The following ATP2B4 variants were observed in gnomAD, a reference collection of about 807,000 sequenced individuals.
ATP2B4 encodes the protein ATPase plasma membrane Ca2+ transporting 4, also known as plasma membrane calcium-transporting ATPase 4.
In ATP2B4, 39 loss-of-function variants were observed where a neutral mutation model predicts 110.3. That is an observed-to-expected ratio of 0.35 (90% confidence interval 0.27 to 0.46). The LOEUF is 0.46. Ranked by LOEUF, ATP2B4 falls within the 20% of genes least tolerant of loss-of-function variation. ATP2B4 has a pLI of 1.00. For synonymous variants in ATP2B4, 538 were observed against 571.7 expected, an observed-to-expected ratio of 0.94 and a Z score of 0.84; for missense variants, 1,135 against 1,530.9, an observed-to-expected ratio of 0.74 and a Z score of 4.32.
chr1:203,698,399 T>TCCA (rs1010626232), intron 3 of ATP2B4, 45 bp downstream of exon 3: 1 of 1,588,074 alleles, frequency 6.3e-7, no homozygotes, highest in Non-Finnish European at 8.6e-7. Context: ...CTGGGTTCTT[T>TCCA]CCACCACCAC....
intron 2 of ATP2B4, 21 bp from the exon 3 acceptor site, chr1:203,698,136 C>T: frequency 6.2e-7 from 1 of 1,611,714 alleles, no homozygotes; most frequent in Non-Finnish European, 8.5e-7. Context: ...ATTCATTCAT[C>T]CACTCCTATC....
intron 1 of ATP2B4, among the ~76,000 whole-genome samples, chr1:203,677,645 G>A (rs1664867599): frequency 1.3e-5 from 2 of 152,144 alleles, no homozygotes; most frequent in South Asian, 2.1e-4. Context: ...TCTGTTTTTA[G>A]TAGAGACAGG....
At chr1:203,659,108 T>C (rs1473531626) in intron 1 of ATP2B4, among the ~76,000 whole-genome samples, 1 of 152,184 alleles carries the variant, frequency 6.6e-6, no homozygotes, top group East Asian at 1.9e-4. Flanking sequence ...TTAGAAGTCT[T>C]TATGTTAAGA....
chr1:203,641,789 T>C (rs1176780832), intron 1 of ATP2B4, among the ~76,000 whole-genome samples: 2 of 152,156 alleles, frequency 1.3e-5, no homozygotes, highest in East Asian at 3.9e-4. Context: ...CTCACGGCCC[T>C]TCTAATACAC....
At chr1:203,684,046 A>T (rs1665101529) in intron 2 of ATP2B4, among the ~76,000 whole-genome samples, 1 of 152,146 alleles carries the variant, frequency 6.6e-6, no homozygotes, top group South Asian at 2.1e-4. Flanking sequence ...TGTTTATGTT[A>T]TAAATGTTGT....
chr1:203,665,731 C>T lies in ATP2B4; in HGVS notation c.-464-17011C>T, dbSNP rs143583270. 7.0e-3 allele frequency among the ~76,000 whole-genome samples: 1,002 copies of T among 144,050 alleles called. 6 individuals carry two copies. Among genetic ancestry groups the T allele is most frequent in the Middle Eastern group, 0.015 (4 of 268 alleles). 94.5% of individuals were successfully genotyped at this position (144,050 alleles called of 152,430 possible). On this transcript the variant is annotated intron_variant, in intron 1 of 20. Coordinates refer to ENST00000357681, the MANE Select transcript of ATP2B4 (RefSeq NM_001684.5). ...AGGAGAATCACTTGAACCCGGGAGGCGGAGGTTGCAGTGAGCCGAGATTCA... is the reference window on the plus strand; with the variant it reads ...AGGAGAATCACTTGAACCCGGGAGGTGGAGGTTGCAGTGAGCCGAGATTCA...
chr1:203,704,074 A>G (rs1202944386), intron 8 of ATP2B4, among the ~76,000 whole-genome samples: 2 of 152,238 alleles, frequency 1.3e-5, no homozygotes, highest in Non-Finnish European at 2.9e-5. Flanking sequence ...AACAAAGAGC[A>G]TATATTACAG....
At chr1:203,638,274 G>A (rs1438814865) in intron 1 of ATP2B4, among the ~76,000 whole-genome samples, 3 of 152,200 alleles carry the variant, frequency 2.0e-5, no homozygotes, top group Admixed American at 2.0e-4. Flanking sequence ...GCCAGTACCG[G>A]TACTGTGGGC....
intron 1 of ATP2B4, among the ~76,000 whole-genome samples, chr1:203,637,435 C>CA (rs57493948): frequency 0.48 from 42,952 of 89,076 alleles, 10,959 homozygotes; most frequent in Non-Finnish European, 0.61. Flanking sequence ...GACTCTGTCT[C>CA]AAAAAAAAAA....
intron 15 of ATP2B4, among the ~76,000 whole-genome samples, chr1:203,716,280 C>G (rs1666156193): frequency 6.9e-6 from 1 of 145,034 alleles, no homozygotes; most frequent in African/African-American, 2.5e-5. Context: ...CTTATGCTCT[C>G]CCTCCCATGA....
chr1:203,690,315 A>G (rs896536725), intron 2 of ATP2B4, among the ~76,000 whole-genome samples: 6 of 152,162 alleles, frequency 3.9e-5, no homozygotes, highest in African/African-American at 1.2e-4. Flanking sequence ...AGTATTGTCA[A>G]TCTGGAAAAA....
At chr1:203,647,134 A>G (rs1026896328) in intron 1 of ATP2B4, among the ~76,000 whole-genome samples, 2 of 152,092 alleles carry the variant, frequency 1.3e-5, no homozygotes, top group African/African-American at 4.8e-5. Flanking sequence ...CTGTGGTTTT[A>G]GAAGGGAAAT....
intron 1 of ATP2B4, among the ~76,000 whole-genome samples, chr1:203,631,238 A>G (rs1663255989): frequency 1.3e-5 from 2 of 152,236 alleles, no homozygotes; most frequent in Non-Finnish European, 2.9e-5. Flanking sequence ...CATAGGTGCC[A>G]AGGGGCAGAG....
intron 1 of ATP2B4, chr1:203,657,478 G>C (rs536668912): frequency 5.7e-4 from 449 of 785,722 alleles, no homozygotes; most frequent in Non-Finnish European, 9.8e-4. Context: ...CTGTCCAGCA[G>C]ATAAGCAGGT....
chr1:203,739,756 A>T lies in ATP2B4; in HGVS notation c.3520A>T (p.Thr1174Ser). 3 of 1,614,028 alleles carry T rather than the reference A, an allele frequency of 1.9e-6. No individual in the cohort carries two copies. Among genetic ancestry groups the T allele is most frequent in the Non-Finnish European group, 2.5e-6 (3 of 1,180,000 alleles). ...TRVLLLDGEV[T>S]PYANTNNNAV... ...GGTGCTCCTGTTGGATGGTGAGGTC[A>T]CTCCATATGCCAATACAAACAACAA... The change falls in exon 21 of 21, where the codon ACT becomes TCT. Residue 1174 changes from threonine (T) to serine (S), a missense_variant. This residue lies in a region of ATP2B4 where 92 missense variants were observed against 82.5 expected (regional missense o/e 1.11). Coordinates refer to ENST00000357681, the MANE Select transcript of ATP2B4 (RefSeq NM_001684.5).
Position 203,681,933 on chromosome 1 carries a change from T to TA in ATP2B4, c.-464-808dup, listed in dbSNP as rs33945815. Reference sequence around the variant, plus strand: ...TCAGAGGTCCTTCTGTCCCCTTTACTAGAAAAAAAAAAAAGTTCACCCTGC... The same window carrying TA: ...TCAGAGGTCCTTCTGTCCCCTTTACTAAGAAAAAAAAAAAAGTTCACCCTGC... On this transcript the variant is annotated intron_variant, in intron 1 of 20. Coordinates refer to ENST00000357681, the MANE Select transcript of ATP2B4 (RefSeq NM_001684.5). Among the ~76,000 whole-genome samples the TA allele has an allele frequency of 8.9e-3, 1,310 of 146,942 alleles. 13 individuals are homozygous for TA. The highest frequency in any genetic ancestry group is 0.03 in the East Asian group (151 of 4,982).
At chr1:203,683,575 C>G (rs923817154) in intron 2 of ATP2B4, among the ~76,000 whole-genome samples, 177 bp downstream of exon 2, 1 of 151,666 alleles carries the variant, frequency 6.6e-6, no homozygotes, top group Non-Finnish European at 1.5e-5. Flanking sequence ...AGAACTGTAT[C>G]TTTCCCAGAG....
At chr1:203,710,580 T>G (rs1355665806) in intron 11 of ATP2B4, among the ~76,000 whole-genome samples, 2 of 152,202 alleles carry the variant, frequency 1.3e-5, no homozygotes, top group Admixed American at 1.3e-4. Flanking sequence ...TCTCTCTGCC[T>G]TCAAGAAGTT....
chr1:203,640,241 T>C (rs1663585671), intron 1 of ATP2B4, among the ~76,000 whole-genome samples: 1 of 152,152 alleles, frequency 6.6e-6, no homozygotes, highest in African/African-American at 2.4e-5. Flanking sequence ...CCCAAGAACA[T>C]CCTCCTGTTC....
Sources: allele counts gnomAD v4.1 joint callset (sites outside exome capture counted in the v4.1 genomes callset), GRCh38; gene constraint gnomAD v4.1.1; regional missense constraint gnomAD v4.1.1; transcripts MANE v1.5; gene names NCBI Gene and HGNC (gene_info 2026-07-23, HGNC 2026-07-21).